MAF: variants seen among roughly 807,000 people sequenced by gnomAD.
The protein encoded by MAF is MAF bZIP transcription factor.
Under a neutral mutation model 22.0 loss-of-function variants are expected in MAF, and 10 were observed. The observed-to-expected ratio is 0.45, with a 90% CI of 0.28 to 0.77. The LOEUF (loss-of-function observed/expected upper bound fraction) is 0.77, where lower values mean the gene tolerates loss of function less well. Among genes scored for constraint, MAF ranks in the 30% least tolerant of loss-of-function variants. The pLI, the probability that MAF is intolerant of heterozygous loss-of-function variation, is 0.12. For missense variants in MAF, 544 were observed against 548.4 expected (o/e 0.99, Z 0.08); for synonymous variants, 337 against 255.8 (o/e 1.32, Z -3.03).
the MAF span, among the ~76,000 whole-genome samples, chr16:79,574,162 C>T: frequency 5.1e-4 from 77 of 152,128 alleles, 1 homozygote; most frequent in African/African-American, 1.8e-3. Flanking sequence ...GTGAAGAGTG[C>T]CTTTGGAGCA....
chr16:79,312,434 T>G, the MAF span, among the ~76,000 whole-genome samples: 4 of 152,196 alleles, frequency 2.6e-5, no homozygotes, highest in African/African-American at 9.7e-5. Flanking sequence ...CCTCCATACA[T>G]GCATTTCACG....
In MAF at chr16:79,594,831, C is replaced by G. The variant is rs1256893149; in HGVS notation, c.1119-278G>C. 3 of 1,244,322 alleles carry G rather than the reference C, an allele frequency of 2.4e-6. No individual in the cohort carries two copies. In the East Asian group the frequency reaches 1.1e-4, roughly 44 times the overall value. 77.1% of individuals were successfully genotyped at this position (1,244,322 alleles called of 1,614,324 possible). A position where few individuals can be genotyped will look rare whatever the true frequency, so the allele number is the denominator to read the frequency against. ...CTTCTCTTACAGCCAGCCACTCAAACCTCATTTTTGCCAGCACCTTTGCAT... is the reference window on the plus strand; with the variant it reads ...CTTCTCTTACAGCCAGCCACTCAAAGCTCATTTTTGCCAGCACCTTTGCAT... On this transcript the variant is annotated intron_variant, in intron 1 of 1. Coordinates refer to ENST00000326043, the MANE Select transcript of MAF (RefSeq NM_005360.5).
the MAF span, among the ~76,000 whole-genome samples, chr16:79,575,447 T>G: frequency 6.6e-6 from 1 of 152,226 alleles, no homozygotes; most frequent in South Asian, 2.1e-4. Flanking sequence ...GGACTCACTC[T>G]TAGCTACTGC....
the MAF span, among the ~76,000 whole-genome samples, chr16:79,542,894 A>G: frequency 3.3e-5 from 5 of 152,194 alleles, no homozygotes; most frequent in Non-Finnish European, 1.5e-5. Flanking sequence ...GGTGGTTTTT[A>G]TATCATAAGC....
At chr16:79,399,494 C>T in the MAF span, among the ~76,000 whole-genome samples, 1 of 152,218 alleles carries the variant, frequency 6.6e-6, no homozygotes, top group Non-Finnish European at 1.5e-5. Flanking sequence ...TGAGGCCTAA[C>T]ATCATGGCTT....
the MAF span, among the ~76,000 whole-genome samples, chr16:79,436,804 C>T: frequency 6.6e-6 from 1 of 152,204 alleles, no homozygotes; most frequent in African/African-American, 2.4e-5. Flanking sequence ...TCCACCTTGG[C>T]ATCTCCAGCA....
chr16:79,452,966 G>C, the MAF span, among the ~76,000 whole-genome samples: 2,073 of 152,298 alleles, frequency 0.014, 46 homozygotes, highest in African/African-American at 0.047. Flanking sequence ...AAGCCTTTGC[G>C]ATGTGGAGGT....
At chr16:79,378,802 T>C in the MAF span, among the ~76,000 whole-genome samples, 1 of 152,244 alleles carries the variant, frequency 6.6e-6, no homozygotes, top group Non-Finnish European at 1.5e-5. Flanking sequence ...TTTAGATTAC[T>C]GTTATTGGCA....
intron 1 of MAF, among the ~76,000 whole-genome samples, chr16:79,587,921 T>C (rs30405): frequency 0.15 from 22,193 of 150,052 alleles, 1,994 homozygotes; most frequent in Non-Finnish European, 0.2. Context: ...CCAAAAGCCA[T>C]TGCAGTTTCT....
the MAF span, among the ~76,000 whole-genome samples, chr16:79,567,654 G>A: frequency 6.6e-6 from 1 of 152,294 alleles, no homozygotes; most frequent in East Asian, 1.9e-4. Flanking sequence ...CTCCCCACTG[G>A]GCTTGGCACA....
chr16:79,483,027 C>CCCCTCCTCCCCTTTGTCTCTCCTT, the MAF span, among the ~76,000 whole-genome samples: 1 of 7,402 alleles, frequency 1.4e-4, no homozygotes, highest in African/African-American at 5.2e-4. Flanking sequence ...TCTCTTCCCT[C>CCCCTCCTCCCCTTTGTCTCTCCTT]CCCTCCCTCC....
chr16:79,434,297 C>T, the MAF span, among the ~76,000 whole-genome samples: 16 of 152,336 alleles, frequency 1.1e-4, no homozygotes, highest in Non-Finnish European at 1.8e-4. Context: ...TACACACACA[C>T]GGTGACGTGC....
the MAF span, among the ~76,000 whole-genome samples, chr16:79,524,457 T>C: frequency 2.0e-5 from 3 of 152,210 alleles, no homozygotes; most frequent in Admixed American, 6.5e-5. Context: ...GTCAGCCAAA[T>C]GGGAGCTCGG....
At chr16:79,431,633 C>G in the MAF span, among the ~76,000 whole-genome samples, 1 of 152,206 alleles carries the variant, frequency 6.6e-6, no homozygotes, top group Non-Finnish European at 1.5e-5. Context: ...ATCTGTGAAT[C>G]ACTGTGTCCT....
chr16:79,585,344 G>A (rs1467751673), downstream of MAF, among the ~76,000 whole-genome samples: 3 of 152,162 alleles, frequency 2.0e-5, no homozygotes, highest in Non-Finnish European at 4.4e-5. Flanking sequence ...ACATTTGGAC[G>A]CAGAAGTGGG....
the MAF span, among the ~76,000 whole-genome samples, chr16:79,456,935 TACAC>T: frequency 1.3e-5 from 2 of 150,132 alleles, no homozygotes; most frequent in Non-Finnish European, 3.0e-5. Flanking sequence ...GCCATGTTTT[TACAC>T]ACACACACAC....
the MAF span, among the ~76,000 whole-genome samples, chr16:79,361,088 A>G: frequency 6.6e-6 from 1 of 152,182 alleles, no homozygotes; most frequent in African/African-American, 2.4e-5. Context: ...CCCAAATCAC[A>G]CTATTCACCT....
the MAF span, among the ~76,000 whole-genome samples, chr16:79,523,669 T>C: frequency 6.6e-6 from 1 of 152,288 alleles, no homozygotes; most frequent in South Asian, 2.1e-4. Flanking sequence ...ACAAAGGTGC[T>C]CAGTAGTGAC....
chr16:79,583,903 C>A (rs530130928), downstream of MAF, among the ~76,000 whole-genome samples: 22 of 152,150 alleles, frequency 1.4e-4, no homozygotes, highest in Non-Finnish European at 2.9e-4. Context: ...ATGTTAGAAG[C>A]CCTATTTTAA....
Sources: allele counts gnomAD v4.1 joint callset (sites outside exome capture counted in the v4.1 genomes callset), GRCh38; gene constraint gnomAD v4.1.1; transcripts MANE v1.5; gene names NCBI Gene and HGNC (gene_info 2026-07-23, HGNC 2026-07-21).